The following ADAMTS17 variants were observed in gnomAD, a reference collection of about 807,000 sequenced individuals.
The protein encoded by ADAMTS17 is ADAM metallopeptidase with thrombospondin type 1 motif 17.
A neutral mutation model predicts 141.5 loss-of-function variants in ADAMTS17; 113 were observed. The observed-to-expected ratio is 0.80, with a 90% CI of 0.69 to 0.93. The LOEUF (loss-of-function observed/expected upper bound fraction) is 0.93, where lower values mean the gene tolerates loss of function less well. Ranked by LOEUF, ADAMTS17 falls within the 40% of genes least tolerant of loss-of-function variation. The probability of loss-of-function intolerance (pLI) is 0.00; values close to 1 mark genes in which losing one functional copy is unlikely to be tolerated. For synonymous variants in ADAMTS17, 768 were observed against 630.6 expected, an observed-to-expected ratio of 1.22 and a Z score of -3.27; for missense variants, 1,659 against 1,517.9, an observed-to-expected ratio of 1.09 and a Z score of -1.54.
chr15:100,066,803 G>A (rs963346948), intron 15 of ADAMTS17, among the ~76,000 whole-genome samples: 2 of 138,558 alleles, frequency 1.4e-5, no homozygotes, highest in Middle Eastern at 7.8e-3. Context: ...CTTCCCTTAT[G>A]ATATTGAGAG....
At chr15:100,127,300 C>G (rs1002112756) in intron 12 of ADAMTS17, among the ~76,000 whole-genome samples, 1 of 152,090 alleles carries the variant, frequency 6.6e-6, no homozygotes. Flanking sequence ...CAATGACAAG[C>G]GTTCTTCCAA....
chr15:100,290,473 C>T (rs1342526658), intron 3 of ADAMTS17, among the ~76,000 whole-genome samples: 2 of 152,106 alleles, frequency 1.3e-5, no homozygotes, highest in African/African-American at 2.4e-5. Flanking sequence ...TATCAAACTA[C>T]CAAAGACATT....
chr15:100,260,400 G>A (rs1250724516), intron 6 of ADAMTS17, among the ~76,000 whole-genome samples: 1 of 152,016 alleles, frequency 6.6e-6, no homozygotes, highest in Non-Finnish European at 1.5e-5. Flanking sequence ...GATTACCTGA[G>A]GTCAGGGGTT....
At chr15:100,157,495 C>A (rs995580555) in intron 8 of ADAMTS17, among the ~76,000 whole-genome samples, 1 of 152,128 alleles carries the variant, frequency 6.6e-6, no homozygotes, top group African/African-American at 2.4e-5. Flanking sequence ...TGCATCGCCA[C>A]CTAGGTATAG....
At position 100,040,846 on chromosome 15, in the gene ADAMTS17, C is replaced by G. The variant is rs572494996; in HGVS notation, c.2591+8011G>C. On this transcript the variant is annotated intron_variant, in intron 18 of 21. Transcript: ENST00000268070. ...TCCAGCATCTTGGCAATCTAAATTT[C>G]TCCTCCCCACTCACATACCATCAAC... Among the ~76,000 whole-genome samples, 13 of 152,306 alleles carry G rather than the reference C, an allele frequency of 8.5e-5. No individual in the cohort carries two copies. In the South Asian group the frequency reaches 2.7e-3, roughly 32 times the overall value.
At position 100,340,908 on chromosome 15, in the gene ADAMTS17, G is replaced by A. The variant is rs888583525; in HGVS notation, c.450+131C>T. 59 of 1,386,666 alleles carry A rather than the reference G, an allele frequency of 4.3e-5. 2 individuals carry two copies. The South Asian group carries it at 6.6e-4, about 16-fold the overall frequency. The allele number at this position is 1,386,666 out of a possible 1,614,324, so 85.9% of individuals were successfully genotyped here. A position where few individuals can be genotyped will look rare whatever the true frequency, so the allele number is the denominator to read the frequency against. On this transcript the variant is annotated intron_variant, in intron 2 of 21. Transcript: ENST00000268070. ...GGTGGGGGATGGGGAGAGGTGGAAA[G>A]GCAGGGGGTTCCCTCCGGTTCCCCT... is the stretch of plus-strand genomic sequence containing the variant.
At chr15:100,128,000 G>T (rs571975512) in intron 12 of ADAMTS17, among the ~76,000 whole-genome samples, 1 of 152,062 alleles carries the variant, frequency 6.6e-6, no homozygotes, top group African/African-American at 2.4e-5. Flanking sequence ...CGTGGTGCAG[G>T]TCTGCTGCAT....
In ADAMTS17 at chr15:99,976,029, C is replaced by T. The variant is rs1340212533; in HGVS notation, c.3127+16G>A. The T allele has an allele frequency of 6.5e-7, 1 of 1,546,100 alleles. No individual in the cohort carries two copies. Among genetic ancestry groups the T allele is most frequent in the Admixed American group, 2.0e-5 (1 of 50,750 alleles). On this transcript the variant is annotated intron_variant, in intron 21 of 21. Transcript: ENST00000268070. ...ACAGCAGCCCCCTGGGAACCGGGGC[C>T]AGTGAAGACACTCACCAAGGCGGGG...
rs538710614 is a variant in ADAMTS17 at position 100,323,356 on chromosome 15, A to G, written c.616+7533T>C. On this transcript the variant is annotated intron_variant, in intron 3 of 21. Coordinates refer to ENST00000268070, the MANE Select transcript of ADAMTS17 (RefSeq NM_139057.4). ...GTGGTAGAGACAGGAAATCAAATCC[A>G]GTAAACTTGTGTCTAAATTCTTACC... 2.6e-5 allele frequency among the ~76,000 whole-genome samples: 4 copies of G among 152,304 alleles called. 1 individual carries two copies. The South Asian group carries it at 8.3e-4, about 32-fold the overall frequency.
intron 7 of ADAMTS17, among the ~76,000 whole-genome samples, chr15:100,211,494 A>G (rs573361033): frequency 1.6e-4 from 24 of 152,306 alleles, no homozygotes; most frequent in African/African-American, 4.6e-4. Context: ...AATGGATGAA[A>G]TACACAAGAA....
chr15:100,075,028 G>T (rs75170919), intron 15 of ADAMTS17, among the ~76,000 whole-genome samples: 5,939 of 152,026 alleles, frequency 0.039, 416 homozygotes, highest in African/African-American at 0.14. Flanking sequence ...ATAAATTCTA[G>T]TTGTTATTTT....
intron 3 of ADAMTS17, among the ~76,000 whole-genome samples, chr15:100,305,128 G>C (rs991783386): frequency 3.9e-5 from 6 of 152,106 alleles, no homozygotes; most frequent in African/African-American, 1.4e-4. Context: ...TGCAGGAGCA[G>C]AGGGGGAGGG....
chr15:100,244,645 A>G (rs1174829515), intron 7 of ADAMTS17, among the ~76,000 whole-genome samples: 1 of 151,964 alleles, frequency 6.6e-6, no homozygotes, highest in African/African-American at 2.4e-5. Flanking sequence ...ATGGAGAGGA[A>G]GGGCCCCTGC....
intron 15 of ADAMTS17, among the ~76,000 whole-genome samples, chr15:100,082,921 T>C (rs2034850866): frequency 6.6e-6 from 1 of 152,094 alleles, no homozygotes. Context: ...CAGGGAGCTG[T>C]TGCTGTGTTG....
At chr15:100,172,812 G>A (rs1218144242) in intron 8 of ADAMTS17, among the ~76,000 whole-genome samples, 2 of 152,228 alleles carry the variant, frequency 1.3e-5, no homozygotes, top group African/African-American at 4.8e-5. Flanking sequence ...ACTGCGAGGA[G>A]CACCCTTTCT....
At chr15:100,001,994 C>A (rs1312687793) in intron 18 of ADAMTS17, among the ~76,000 whole-genome samples, 22,114 of 57,900 alleles carry the variant, frequency 0.38, 5,921 homozygotes, top group Non-Finnish European at 0.48. Flanking sequence ...AGGCCAAACC[C>A]AAAAAAAAAA....
intron 4 of ADAMTS17, among the ~76,000 whole-genome samples, chr15:100,263,765 G>A (rs2043613220): frequency 6.6e-6 from 1 of 152,204 alleles, no homozygotes; most frequent in African/African-American, 2.4e-5. Flanking sequence ...ATTCTACTTG[G>A]TTTTTACCTA....
intron 3 of ADAMTS17, among the ~76,000 whole-genome samples, chr15:100,302,897 G>A (rs1329137826): frequency 6.6e-6 from 1 of 152,010 alleles, no homozygotes; most frequent in Non-Finnish European, 1.5e-5. Context: ...AAAGCAGGCA[G>A]AAAAATGTGA....
chr15:100,090,650 C>G (rs892074292), intron 15 of ADAMTS17, among the ~76,000 whole-genome samples: 1 of 152,180 alleles, frequency 6.6e-6, no homozygotes, highest in Non-Finnish European at 1.5e-5. Flanking sequence ...GACCTCTCAA[C>G]GCAGGGCAGT....
Sources: allele counts gnomAD v4.1 joint callset (sites outside exome capture counted in the v4.1 genomes callset), GRCh38; gene constraint gnomAD v4.1.1; transcripts MANE v1.5; gene names NCBI Gene and HGNC (gene_info 2026-07-23, HGNC 2026-07-21).